Variants in ULK2 observed in about 807,000 individuals in gnomAD.
ULK2 encodes unc-51 like autophagy activating kinase 2.
Under a neutral mutation model 127.5 loss-of-function variants are expected in ULK2, and 76 were observed. The ratio of observed to expected loss-of-function variants is 0.60; its 90% CI spans 0.50 to 0.72. The LOEUF (loss-of-function observed/expected upper bound fraction) is 0.72. ULK2 is among the 30% of genes least tolerant of loss of function. The pLI, the probability that ULK2 is intolerant of heterozygous loss-of-function variation, is 0.00. For missense variants in ULK2, 1,144 were observed against 1,295.9 expected, an observed-to-expected ratio of 0.88 and a Z score of 1.80; for synonymous variants, 452 against 461.9, an observed-to-expected ratio of 0.98 and a Z score of 0.28.
intron 13 of ULK2, among the ~76,000 whole-genome samples, chr17:19,814,456 T>TTTTTTTTTTTTGTTTGTTTG (rs1555557161): frequency 5.5e-5 from 1 of 18,258 alleles, no homozygotes; most frequent in Admixed American, 1.0e-3. Context: ...TTTTTTTTTT[T>TTTTTTTTTTTTGTTTGTTTG]TTTTTTTGGA....
rs1426162569 is a variant in ULK2, at chr17:19,773,287, C to T, written c.*3062G>A. 1.3e-5 allele frequency: 2 copies of T among 152,156 alleles called. No homozygotes were observed. 9.4% of individuals were successfully genotyped at this position (152,156 alleles called of 1,614,324 possible). A position where few individuals can be genotyped will look rare whatever the true frequency, so the allele number is the denominator to read the frequency against. ...GTGACTCTGTCTCAAAACAAGCCAA[C>T]AAAAAAATAATAAGGATTCTTCAGA... On this transcript the variant is annotated 3_prime_UTR_variant, in exon 27 of 27. Coordinates refer to ENST00000395544, the MANE Select transcript of ULK2 (RefSeq NM_014683.4).
rs757032230 is a variant in ULK2, at chr17:19,781,049, G to C, written c.2695C>G (p.Leu899Val). The change falls in exon 24 of 27, where the codon CTG becomes GTG. Residue 899 changes from leucine to valine, a missense_variant. Transcript: ENST00000395544. ...MKAAQLLAAS[L>V]HLAKAQIKSG... ...TTGATCTGGGCTTTGGCAAGATGCA[G>C]AGAAGCCGCAAGCAGCTGTGCTGCT... 6.2e-7 allele frequency: 1 copy of C among 1,614,002 alleles called. No homozygotes were observed. Among genetic ancestry groups the C allele is most frequent in the East Asian group, 2.2e-5 (1 of 44,870 alleles).
chr17:19,797,299 A>G, intron 18 of ULK2, 97 bp downstream of exon 18: 2 of 1,346,400 alleles, frequency 1.5e-6, no homozygotes, highest in Non-Finnish European at 9.9e-7. Context: ...TCTGTCTCAA[A>G]AAATAAAATA....
intron 20 of ULK2, among the ~76,000 whole-genome samples, chr17:19,789,989 AACT>A (rs1303256027): frequency 1.3e-5 from 2 of 152,128 alleles, no homozygotes; most frequent in East Asian, 3.8e-4. Context: ...CAAAAATAAT[AACT>A]ACAACTTTTC....
chr17:19,788,246 G>A (rs1415668658), intron 20 of ULK2, among the ~76,000 whole-genome samples: 3 of 152,066 alleles, frequency 2.0e-5, no homozygotes, highest in Admixed American at 6.6e-5. Context: ...TTCTAAGGGA[G>A]TGTTTGTGCC....
At chr17:19,852,357 TA>T (rs1262841195) in intron 3 of ULK2, among the ~76,000 whole-genome samples, 1 of 139,586 alleles carries the variant, frequency 7.2e-6, no homozygotes, top group African/African-American at 2.7e-5. Context: ...CCATCTCTAC[TA>T]AAAATACAAA....
chr17:19,801,886 CA>C lies in ULK2; in HGVS notation c.1331del (p.Met444ArgfsTer177). ...AVVRRSNTSP[M>X]GFLRPGSCSP... Reference sequence around the variant, plus strand: ...AGCATGATCCCGGCCGGAGGAAGCCCATGGGGCTGGTGTTGGACCTTCGTAC... The same window carrying C: ...AGCATGATCCCGGCCGGAGGAAGCCCTGGGGCTGGTGTTGGACCTTCGTAC... On this transcript the variant is annotated frameshift_variant, in exon 16 of 27. Coordinates refer to ENST00000395544, the MANE Select transcript of ULK2 (RefSeq NM_014683.4). LOFTEE classifies it high-confidence loss of function. 2 of 1,613,856 alleles carry C rather than the reference CA, an allele frequency of 1.2e-6. No individual in the cohort carries two copies.
intron 10 of ULK2, among the ~76,000 whole-genome samples, chr17:19,837,160 G>A (rs1365306857): frequency 6.6e-6 from 1 of 151,966 alleles, no homozygotes; most frequent in East Asian, 1.9e-4. Flanking sequence ...GCTCACATCT[G>A]TAATCTCAGC....
chr17:19,845,388 A>C lies in ULK2; in HGVS notation c.470-11T>G, dbSNP rs1473404120. On this transcript the variant is annotated splice_polypyrimidine_tract_variant and intron_variant, in intron 6 of 26. Coordinates refer to ENST00000395544, the MANE Select transcript of ULK2 (RefSeq NM_014683.4). Reference sequence around the variant, plus strand: ...CAAAACCAAAATCCGCTATTTCACAAAACAGAAAGTAGAAAAGCAAATTAC... The same window carrying C: ...CAAAACCAAAATCCGCTATTTCACACAACAGAAAGTAGAAAAGCAAATTAC... 3.2e-5 allele frequency: 51 copies of C among 1,611,754 alleles called. No homozygotes were observed. Among genetic ancestry groups the C allele is most frequent in the Non-Finnish European group, 4.1e-5 (48 of 1,178,040 alleles).
At chr17:19,792,016 T>G (rs1423705570) in intron 20 of ULK2, among the ~76,000 whole-genome samples, 2 of 151,826 alleles carry the variant, frequency 1.3e-5, no homozygotes, top group African/African-American at 2.4e-5. Flanking sequence ...AATTGAAAAA[T>G]TTCTTGAAAC....
chr17:19,847,264 T>C (rs1392135958), intron 5 of ULK2, among the ~76,000 whole-genome samples: 1 of 152,178 alleles, frequency 6.6e-6, no homozygotes, highest in African/African-American at 2.4e-5. Flanking sequence ...CTAAGTTCCC[T>C]TCATATTAGT....
chr17:19,781,739 A>G, intron 23 of ULK2, 150 bp downstream of exon 23: 1 of 879,442 alleles, frequency 1.1e-6, no homozygotes, highest in South Asian at 1.9e-5. Flanking sequence ...GTCTTGGCTC[A>G]TATAGTGAAA....
At position 19,796,304 on chromosome 17, in the gene ULK2, T is replaced by C. The variant is rs1207921577; in HGVS notation, c.1810-22A>G. On this transcript the variant is annotated intron_variant, in intron 18 of 26. Transcript: ENST00000395544. ...TGGTCTAAAGAGACATATATATATATATATATGTAAACTAGTTAATACGAT... is the reference window on the plus strand; with the variant it reads ...TGGTCTAAAGAGACATATATATATACATATATGTAAACTAGTTAATACGAT... The C allele has an allele frequency of 1.9e-6, 3 of 1,577,778 alleles. No individual in the cohort carries two copies. The African/African-American group carries it at 4.1e-5, about 22-fold the overall frequency.
At chr17:19,779,873 A>C (rs1038925614) in intron 25 of ULK2, among the ~76,000 whole-genome samples, 1 of 152,068 alleles carries the variant, frequency 6.6e-6, no homozygotes, top group African/African-American at 2.4e-5. Context: ...TTAGATGCAC[A>C]CTATAAAAAG....
chr17:19,863,738 A>C (rs1323313438), intron 3 of ULK2, among the ~76,000 whole-genome samples: 1 of 152,010 alleles, frequency 6.6e-6, no homozygotes, highest in Non-Finnish European at 1.5e-5. Flanking sequence ...CTGGTGCTAC[A>C]CCCAGAAAAC....
At chr17:19,787,291 T>C (rs2087055216) in intron 20 of ULK2, among the ~76,000 whole-genome samples, 1 of 148,350 alleles carries the variant, frequency 6.7e-6, no homozygotes. Context: ...CCAGCCTTAG[T>C]TTTTATTTTT....
intron 5 of ULK2, among the ~76,000 whole-genome samples, chr17:19,847,623 C>G (rs2041914858): frequency 6.6e-6 from 1 of 152,154 alleles, no homozygotes; most frequent in Non-Finnish European, 1.5e-5. Flanking sequence ...AATCTCAGCT[C>G]ACTGCAACCT....
chr17:19,844,507 C>A (rs959745509), intron 7 of ULK2, among the ~76,000 whole-genome samples: 6 of 151,894 alleles, frequency 4.0e-5, no homozygotes, highest in Admixed American at 3.9e-4. Context: ...AGCACTCTAA[C>A]CTCAAGGCTA....
rs2042379072 is a variant in ULK2 at position 19,867,461 on chromosome 17, T to G, written c.-44A>C. 2 of 1,542,066 alleles carry G rather than the reference T, an allele frequency of 1.3e-6. No homozygotes were observed. The highest frequency in any genetic ancestry group is 1.8e-6 in the Non-Finnish European group (2 of 1,138,864). On this transcript the variant is annotated 5_prime_UTR_variant, in exon 1 of 27. Coordinates refer to ENST00000395544, the MANE Select transcript of ULK2 (RefSeq NM_014683.4). ...CACAGCGGACGGGCGGGCGGCGCAG[T>G]GCGGCGCAGGTATCAGCACCGCGGC...
Sources: gnomAD v4.1 joint callset for allele counts (sites outside exome capture counted in the v4.1 genomes callset) on GRCh38, gnomAD v4.1.1 for gene constraint, MANE v1.5 for transcripts, NCBI Gene and HGNC (gene_info 2026-07-23, HGNC 2026-07-21) for gene names.